CEP131: variants seen among roughly 807,000 people sequenced by gnomAD.
CEP131 encodes centrosomal protein of 131 kDa.
Under a neutral mutation model 136.8 loss-of-function variants are expected in CEP131, and 99 were observed. The ratio of observed to expected loss-of-function variants is 0.72; its 90% CI spans 0.62 to 0.86. The LOEUF (loss-of-function observed/expected upper bound fraction) is 0.86, where lower values mean the gene tolerates loss of function less well. CEP131 is among the 40% of genes least tolerant of loss of function. The pLI is 0.00. For synonymous variants in CEP131, 646 were observed against 612.7 expected, an observed-to-expected ratio of 1.05 and a Z score of -0.80; for missense variants, 1,459 against 1,463.0, an observed-to-expected ratio of 1.00 and a Z score of 0.04.
At chr17:81,217,435 G>A (rs570473975) in intron 2 of CEP131, among the ~76,000 whole-genome samples, 3 of 152,104 alleles carry the variant, frequency 2.0e-5, no homozygotes, top group African/African-American at 7.2e-5. Context: ...AGAGAATCAC[G>A]TGCCGCCTTG....
chr17:81,207,327 G>A, intron 3 of CEP131, 88 bp from the exon 4 acceptor site: 1 of 1,158,178 alleles, frequency 8.6e-7, no homozygotes, highest in Non-Finnish European at 1.2e-6. Context: ...GTCCCGCGAG[G>A]ACAGAGGGGC....
At chr17:81,198,565 C>T (rs2061819704) in intron 11 of CEP131, among the ~76,000 whole-genome samples, 1 of 152,206 alleles carries the variant, frequency 6.6e-6, no homozygotes, top group African/African-American at 2.4e-5. Context: ...CACCATTGAG[C>T]AGCCTGGGAG....
chr17:81,199,686 G>A (rs751245359), intron 9 of CEP131, 33 bp downstream of exon 9: 35 of 1,602,964 alleles, frequency 2.2e-5, no homozygotes, highest in East Asian at 4.5e-5. Flanking sequence ...CCTGGGCCAC[G>A]GTGCTGCTCA....
At position 81,189,806 on chromosome 17, in the gene CEP131, A is replaced by G. The variant is rs200783263; in HGVS notation, c.3206T>C (p.Leu1069Pro). The change falls in exon 26 of 26, where the codon CTG (leucine) becomes CCG (proline). Residue 1069 changes from leucine to proline, a missense_variant. Physicochemically the swap from Leu to Pro is moderately conservative, Grantham distance 98 (BLOSUM62 -3). This residue lies in a region of CEP131 where 1,026 missense variants were observed against 964.2 expected (regional missense o/e 1.06). Coordinates refer to ENST00000450824, the MANE Select transcript of CEP131 (RefSeq NM_014984.4). Reference protein sequence around the residue: ...VKRADHLEELLEQHRRPTPST... With the variant: ...VKRADHLEELPEQHRRPTPST... Reference sequence around the variant, plus strand: ...TGGCGTGGGCCTCCTGTGCTGCTCCAGCAGCTCCTCCAGGTGGTCGGCCCG... The same window carrying G: ...TGGCGTGGGCCTCCTGTGCTGCTCCGGCAGCTCCTCCAGGTGGTCGGCCCG... 2 of 1,611,020 alleles carry G rather than the reference A, an allele frequency of 1.2e-6. No homozygotes were observed. The highest frequency in any genetic ancestry group is 2.2e-5 in the East Asian group (1 of 44,842).
chr17:81,205,131 C>T (rs965888279), intron 5 of CEP131, among the ~76,000 whole-genome samples: 1 of 151,486 alleles, frequency 6.6e-6, no homozygotes, highest in Non-Finnish European at 1.5e-5. Flanking sequence ...TGGTGGCACA[C>T]GCCTGTAGTC....
At chr17:81,200,292 C>T (rs755310010) in intron 8 of CEP131, 37 bp downstream of exon 8, 46 of 1,527,078 alleles carry the variant, frequency 3.0e-5, no homozygotes, top group Non-Finnish European at 3.9e-5. Flanking sequence ...CCAGACCCCC[C>T]GGGGGAGCAT....
rs1396913678 is a variant in CEP131 at position 81,197,028 on chromosome 17, G to GC, written c.1674dup (p.Pro559AlafsTer74). The GC allele has an allele frequency of 6.3e-7, 1 of 1,589,488 alleles. No homozygotes were observed. The highest frequency in any genetic ancestry group is 8.6e-7 in the Non-Finnish European group (1 of 1,168,270). On this transcript the variant is annotated frameshift_variant, in exon 14 of 26. Coordinates refer to ENST00000450824, the MANE Select transcript of CEP131 (RefSeq NM_014984.4). LOFTEE classifies it high-confidence loss of function. ...CTCACCTCGGACCCCAGCTCCAGGG[G>GC]CCCCGGCCCCGCCTCCGGCACCCAC... is the stretch of plus-strand genomic sequence containing the variant.
intron 1 of CEP131, among the ~76,000 whole-genome samples, chr17:81,221,140 A>G (rs553192662): frequency 1.3e-5 from 2 of 151,194 alleles, no homozygotes; most frequent in African/African-American, 4.9e-5. Flanking sequence ...AAAAAAAAAA[A>G]AAAAAACGCG....
In CEP131 at chr17:81,220,088, A is replaced by T. The variant is rs749130750; in HGVS notation, c.-17-15T>A. The T allele has an allele frequency of 6.7e-7, 1 of 1,494,004 alleles. No homozygotes were observed. The allele number at this position is 1,494,004 out of a possible 1,614,324, so 92.5% of individuals were successfully genotyped here. A position where few individuals can be genotyped will look rare whatever the true frequency, so the allele number is the denominator to read the frequency against. On this transcript the variant is annotated splice_polypyrimidine_tract_variant and intron_variant, in intron 1 of 25. Transcript: ENST00000450824. ...CAAGGCAGGTCCTGAGCGGGGAAGCAAGAGCTGCAATGAGATGCCGTGGGG... is the reference window on the plus strand; with the variant it reads ...CAAGGCAGGTCCTGAGCGGGGAAGCTAGAGCTGCAATGAGATGCCGTGGGG...
Position 81,195,972 on chromosome 17 carries a change from G to A in CEP131, c.1900-21C>T, listed in dbSNP as rs761076574. The A allele has an allele frequency of 3.1e-6, 5 of 1,593,002 alleles. No individual in the cohort carries two copies. In the South Asian group the frequency reaches 3.3e-5, roughly 11 times the overall value. On this transcript the variant is annotated intron_variant, in intron 15 of 25. Transcript: ENST00000450824. ...ATCAGCTGTGTTGGGGACCGGAGGT[G>A]AGGTGCTACACCAAGGCCCCAGCCC...
At position 81,215,842 on chromosome 17, in the gene CEP131, T is replaced by A. The variant is rs1364588685; in HGVS notation, c.177+4038A>T. 6.6e-6 allele frequency among the ~76,000 whole-genome samples: 1 copy of A among 152,258 alleles called. No individual in the cohort carries two copies. Among genetic ancestry groups the A allele is most frequent in the Non-Finnish European group, 1.5e-5 (1 of 68,048 alleles). ...GTATTTGCTGTGCCACTCTTGGTAC[T>A]ATGATAAGGAAAATCCAGAGGAGCA... On this transcript the variant is annotated intron_variant, in intron 2 of 25. Coordinates refer to ENST00000450824, the MANE Select transcript of CEP131 (RefSeq NM_014984.4). The surrounding 1 kb of genome is among the most constrained non-coding windows in gnomAD (Gnocchi z 4.1).
chr17:81,204,358 C>T (rs958570527), intron 5 of CEP131, among the ~76,000 whole-genome samples: 7 of 152,160 alleles, frequency 4.6e-5, no homozygotes, highest in Non-Finnish European at 7.4e-5. Context: ...CACCGCCACC[C>T]CTCCCCAGCA....
chr17:81,200,086 T>C, intron 8 of CEP131: 1 of 608,848 alleles, frequency 1.6e-6, no homozygotes, highest in Non-Finnish European at 2.9e-6. Flanking sequence ...AACGTCCTCC[T>C]GAGACTCTCC....
Position 81,198,237 on chromosome 17 carries a change from TC to T in CEP131, c.1347del (p.Ser450AlafsTer48). The T allele has an allele frequency of 6.2e-7, 1 of 1,602,570 alleles. No individual in the cohort carries two copies. The highest frequency in any genetic ancestry group is 2.3e-5 in the East Asian group (1 of 44,280). On this transcript the variant is annotated frameshift_variant, in exon 12 of 26. Coordinates refer to ENST00000450824, the MANE Select transcript of CEP131 (RefSeq NM_014984.4). LOFTEE classifies it high-confidence loss of function. ...TCCAGTGGCCCCCTGGACTTGGCGCTCCCCCTGCTCGGGGCCATCATCTCCA... is the reference window on the plus strand; with the variant it reads ...TCCAGTGGCCCCCTGGACTTGGCGCTCCCCTGCTCGGGGCCATCATCTCCA... ...DNLEMMAPSR[G>X]SAKSRGPLEE... is the part of the protein sequence containing the mutation.
chr17:81,198,733 C>A, intron 11 of CEP131, 144 bp downstream of exon 11: 1 of 772,940 alleles, frequency 1.3e-6, no homozygotes. Context: ...AGCAAGAAGA[C>A]ACCTCCTGGG....
chr17:81,201,487 A>G (rs2061890163), intron 7 of CEP131, among the ~76,000 whole-genome samples: 1 of 152,248 alleles, frequency 6.6e-6, no homozygotes, highest in African/African-American at 2.4e-5. Flanking sequence ...CTCCGCCCAC[A>G]GCCCCTGGAG....
intron 2 of CEP131, among the ~76,000 whole-genome samples, chr17:81,211,793 C>T (rs2062136154): frequency 1.3e-5 from 2 of 151,946 alleles, no homozygotes; most frequent in African/African-American, 4.8e-5. Flanking sequence ...ATTAGCCAGG[C>T]GTGGTGGCAT....
At chr17:81,191,446 G>A in intron 21 of CEP131, 111 bp from the exon 22 acceptor site, 1 of 1,018,880 alleles carries the variant, frequency 9.8e-7, no homozygotes, top group East Asian at 2.4e-5. Flanking sequence ...AGGGGAGCAA[G>A]GGGCCTTCCC....
At position 81,193,931 on chromosome 17, in the gene CEP131, C is replaced by T; in HGVS notation, c.2316G>A (p.Arg772=). 6.5e-7 allele frequency: 1 copy of T among 1,535,308 alleles called. No homozygotes were observed. Among genetic ancestry groups the T allele is most frequent in the Non-Finnish European group, 8.8e-7 (1 of 1,142,284 alleles). Residue 772 remains arginine (R), a synonymous_variant, in exon 18 of 26, where the codon CGG becomes CGA. Coordinates refer to ENST00000450824, the MANE Select transcript of CEP131 (RefSeq NM_014984.4). ...ALGQQERERA[R]QRFQQHLEQE... ...GGCCTGGGGCCACCACCCACCGCTG[C>T]CGAGCACGTTCGCGCTCCTGCTGGC...
Sources: allele counts gnomAD v4.1 joint callset (sites outside exome capture counted in the v4.1 genomes callset), GRCh38; gene constraint gnomAD v4.1.1; regional missense constraint gnomAD v4.1.1; non-coding constraint Gnocchi (gnomAD v3.1); transcripts MANE v1.5; gene names NCBI Gene and HGNC (gene_info 2026-07-23, HGNC 2026-07-21).